Variants in NAPSA observed in about 807,000 individuals in gnomAD.
NAPSA encodes the protein napsin A aspartic peptidase.
A neutral mutation model predicts 36.7 loss-of-function variants in NAPSA; 37 were observed. The ratio of observed to expected loss-of-function variants is 1.01; its 90% CI spans 0.78 to 1.33. The LOEUF is 1.33. Ranked by LOEUF, NAPSA falls within the 40% of genes most tolerant of loss-of-function variation. The probability of loss-of-function intolerance (pLI) is 0.00; values close to 1 mark genes in which losing one functional copy is unlikely to be tolerated. For synonymous variants in NAPSA, 222 were observed against 234.5 expected, an observed-to-expected ratio of 0.95 and a Z score of 0.49; for missense variants, 532 against 543.8, an observed-to-expected ratio of 0.98 and a Z score of 0.21.
rs1035900641 is a variant in NAPSA at position 50,362,290 on chromosome 19, G to T, written c.107C>A (p.Pro36His). 1 of 1,608,774 alleles carries T rather than the reference G, an allele frequency of 6.2e-7. No homozygotes were observed. Among genetic ancestry groups the T allele is most frequent in the African/African-American group, 1.3e-5 (1 of 74,606 alleles). The change falls in exon 2 of 9, where the codon CCT becomes CAT. Residue 36 changes from proline (P) to histidine (H), a missense_variant. Physicochemically the swap from Pro to His is moderately conservative, Grantham distance 77. Coordinates refer to ENST00000253719, the MANE Select transcript of NAPSA (RefSeq NM_004851.3). ...CAGTAGGTTCAGGATCCTGCGTCCA[G>T]GTTGGACTCGATGAAGAGGGATGCT... ...LIRIPLHRVQPGRRILNLLRG... is the reference protein window; with the variant it reads ...LIRIPLHRVQHGRRILNLLRG...
In NAPSA at chr19:50,362,072, A is replaced by G. The variant is rs1348924818; in HGVS notation, c.246T>C (p.Ile82=). 3.1e-6 allele frequency: 5 copies of G among 1,613,976 alleles called. No homozygotes were observed. Among genetic ancestry groups the G allele is most frequent in the South Asian group, 1.1e-5 (1 of 91,078 alleles). ...NYRDVQYFGE[I]GLGTPPQNFT... Reference sequence around the variant, plus strand: ...AGTTTTGTGGAGGCGTTCCCAGCCCAATTTCCCCAAAATACTGCACCTGAT... The same window carrying G: ...AGTTTTGTGGAGGCGTTCCCAGCCCGATTTCCCCAAAATACTGCACCTGAT... The change falls in exon 3 of 9, where the codon ATT becomes ATC. Residue 82 remains isoleucine, a synonymous_variant. Transcript: ENST00000253719.
chr19:50,360,773 G>T (rs2037460852), intron 5 of NAPSA, among the ~76,000 whole-genome samples, 168 bp downstream of exon 5: 1 of 152,184 alleles, frequency 6.6e-6, no homozygotes, highest in African/African-American at 2.4e-5. Flanking sequence ...GTGACTTCCT[G>T]CATGGAGGAT....
rs60340661 is a variant in NAPSA, at chr19:50,360,606, GCTC to G, written c.668+332_668+334del. Among the ~76,000 whole-genome samples, 1,366 of 152,286 alleles carry G rather than the reference GCTC, an allele frequency of 9.0e-3. 19 individuals carry two copies. Among genetic ancestry groups the G allele is most frequent in the African/African-American group, 0.03 (1,257 of 41,534 alleles). On this transcript the variant is annotated intron_variant, in intron 5 of 8. Transcript: ENST00000253719. ...GAGCATTCTTTGTGAGGAAGAGAAA[GCTC>G]CTGAGTATTTTGTTGGGTGGGGCAT... is the stretch of plus-strand genomic sequence containing the variant.
chr19:50,362,146 G>A (rs919894568), intron 2 of NAPSA, 26 bp downstream of exon 2: 2 of 1,613,082 alleles, frequency 1.2e-6, no homozygotes, highest in Non-Finnish European at 1.7e-6. Flanking sequence ...GCGCAGGGGT[G>A]AGGGCTGTGT....
In NAPSA at chr19:50,361,105, C is replaced by A. The variant is rs770289297; in HGVS notation, c.504G>T (p.Gly168=). ...CCAGGCTGGGCTCCCAGAGAGCCTC[C>A]CCGAAAATCACTGATGCACCCTTGA... ...GGIKGASVIF[G]EALWEPSLVF... Residue 168 remains glycine, a synonymous_variant, in exon 5 of 9, where the codon GGG becomes GGT. Transcript: ENST00000253719. 4 of 1,613,898 alleles carry A rather than the reference C, an allele frequency of 2.5e-6. No homozygotes were observed.
chr19:50,367,505 C>T (rs540573488), upstream of NAPSA, among the ~76,000 whole-genome samples: 3 of 152,226 alleles, frequency 2.0e-5, no homozygotes, highest in Non-Finnish European at 4.4e-5. Flanking sequence ...GACTCTTGCT[C>T]TCTTCCCTTG....
At chr19:50,358,929 C>G (rs1199554670) in intron 8 of NAPSA, 82 bp downstream of exon 8, 1 of 1,394,150 alleles carries the variant, frequency 7.2e-7, no homozygotes, top group South Asian at 1.2e-5. Flanking sequence ...GTGGCCCCTT[C>G]CCTTCCTAGT....
intron 7 of NAPSA, 161 bp downstream of exon 7, chr19:50,359,342 T>C: frequency 9.8e-7 from 1 of 1,021,620 alleles, no homozygotes; most frequent in South Asian, 1.6e-5. Flanking sequence ...GAAAGTGTCC[T>C]CAATTCCTCC....
At chr19:50,363,354 G>T (rs1274772144) in intron 1 of NAPSA, among the ~76,000 whole-genome samples, 1 of 152,046 alleles carries the variant, frequency 6.6e-6, no homozygotes, top group Non-Finnish European at 1.5e-5. Context: ...CTTGCATAGG[G>T]TCCCCAAGAT....
At chr19:50,365,787 G>T, upstream of NAPSA, 1 of 569,566 alleles carries the variant, frequency 1.8e-6, no homozygotes, top group Non-Finnish European at 3.1e-6. Flanking sequence ...GATTTGTGCA[G>T]AGTATTTTTG....
intron 7 of NAPSA, 50 bp from the exon 8 acceptor site, chr19:50,359,159 G>T: frequency 6.7e-7 from 1 of 1,497,574 alleles, no homozygotes; most frequent in South Asian, 1.1e-5. Context: ...GCTCTGTTCA[G>T]TCCCTTCCGT....
In NAPSA at chr19:50,359,328, C is replaced by T. The variant is rs996608236; in HGVS notation, c.936+175G>A. The T allele has an allele frequency of 7.6e-6, 7 of 923,986 alleles. No homozygotes were observed. In the East Asian group the frequency reaches 1.1e-4, roughly 14 times the overall value. The allele number at this position is 923,986 out of a possible 1,614,324, so 57.2% of individuals were successfully genotyped here. On this transcript the variant is annotated intron_variant, in intron 7 of 8. Coordinates refer to ENST00000253719, the MANE Select transcript of NAPSA (RefSeq NM_004851.3). ...CATCCGCAGAGTCGCAGTGTAGACA[C>T]GTGGAAAGTGTCCTCAATTCCTCCA...
rs768359974 is a variant in NAPSA at position 50,359,077 on chromosome 19, G to A, written c.969C>T (p.Leu323=). 6.2e-7 allele frequency: 1 copy of A among 1,614,106 alleles called. No homozygotes were observed. Among genetic ancestry groups the A allele is most frequent in the Admixed American group, 1.7e-5 (1 of 60,024 alleles). Residue 323 remains leucine, a synonymous_variant, in exon 8 of 9, where the codon CTC becomes CTT. Transcript: ENST00000253719. ...YIILCSEIPK[L]PAVSFLLGGV... ...CCCCAAGAAGGAAGGAGACTGCGGGGAGCTTTGGGATTTCCGAGCACAGGA... is the reference window on the plus strand; with the variant it reads ...CCCCAAGAAGGAAGGAGACTGCGGGAAGCTTTGGGATTTCCGAGCACAGGA...
At chr19:50,367,956 G>A (rs554657898), upstream of NAPSA, among the ~76,000 whole-genome samples, 70 of 151,988 alleles carry the variant, frequency 4.6e-4, no homozygotes, top group Non-Finnish European at 7.4e-5. Context: ...TCAGGAGTTC[G>A]AGGCCAGTCT....
intron 5 of NAPSA, 109 bp downstream of exon 5, chr19:50,360,832 G>A (rs971747724): frequency 1.9e-6 from 2 of 1,078,328 alleles, no homozygotes; most frequent in African/African-American, 3.2e-5. Flanking sequence ...CAGTGTAAGT[G>A]GGTGACTCTG....
Position 50,360,937 on chromosome 19 carries a change from G to T in NAPSA, c.668+4C>A. 1 of 1,613,454 alleles carries T rather than the reference G, an allele frequency of 6.2e-7. No homozygotes were observed. The highest frequency in any genetic ancestry group is 8.5e-7 in the Non-Finnish European group (1 of 1,179,628). ...CTCATAGATAGGTGCACACTTCCCA[G>T]TACCTGTTGAGGTAAAAGGAGAAGA... is the stretch of plus-strand genomic sequence containing the variant. On this transcript the variant is annotated splice_donor_region_variant and intron_variant, in intron 5 of 8. Coordinates refer to ENST00000253719, the MANE Select transcript of NAPSA (RefSeq NM_004851.3).
chr19:50,365,014 T>A (rs10426448), intron 1 of NAPSA, among the ~76,000 whole-genome samples: 29 of 120,562 alleles, frequency 2.4e-4, no homozygotes, highest in South Asian at 1.6e-3. Flanking sequence ...TAATAATAAA[T>A]AATAATAATA....
At chr19:50,361,941 A>G (rs1237149599) in intron 3 of NAPSA, 28 bp downstream of exon 3, 11 of 1,590,604 alleles carry the variant, frequency 6.9e-6, no homozygotes, top group Non-Finnish European at 9.4e-6. Flanking sequence ...ACCCCCATTC[A>G]GCCTTATTCT....
Position 50,365,557 on chromosome 19 carries a change from G to A in NAPSA, c.65C>T (p.Ser22Phe), listed in dbSNP as rs779987805. ...LLLPLLNVEP[S>F]GATLIRIPLH... ...ACCATACCGGATCAGTGTGGCCCCG[G>A]AAGGCTCCACATTCAGCAGAGGCAG... The change falls in exon 1 of 9, where the codon TCC becomes TTC. Residue 22 changes from serine to phenylalanine, a missense_variant. By Grantham distance (155) the Ser-to-Phe change is radical. Around this residue, in one of 3 missense-constraint regions of NAPSA, gnomAD observed 102 missense variants for 93.6 expected, o/e 1.09. Coordinates refer to ENST00000253719, the MANE Select transcript of NAPSA (RefSeq NM_004851.3). The A allele has an allele frequency of 9.9e-6, 16 of 1,613,558 alleles. No individual in the cohort carries two copies. The highest frequency in any genetic ancestry group is 1.7e-4 in the Middle Eastern group (1 of 5,942).
Sources: gnomAD v4.1 joint callset for allele counts (sites outside exome capture counted in the v4.1 genomes callset) on GRCh38, gnomAD v4.1.1 for gene constraint, gnomAD v4.1.1 regional missense constraint, MANE v1.5 for transcripts, NCBI Gene and HGNC (gene_info 2026-07-23, HGNC 2026-07-21) for gene names.